The following SLC16A9 variants were observed in gnomAD, a reference collection of about 807,000 sequenced individuals.
SLC16A9 encodes the protein solute carrier family 16 member 9, also known as monocarboxylate transporter 9.
A neutral mutation model predicts 44.3 loss-of-function variants in SLC16A9; 26 were observed. The ratio of observed to expected loss-of-function variants is 0.59; its 90% CI spans 0.43 to 0.81. The LOEUF is 0.81. Ranked by LOEUF, SLC16A9 falls within the 40% of genes least tolerant of loss-of-function variation. The pLI is 0.00. For synonymous variants in SLC16A9, 230 were observed against 225.1 expected (o/e 1.02, Z -0.19); for missense variants, 559 against 595.8 (o/e 0.94, Z 0.64).
chr10:59,653,918 T>C lies in SLC16A9; in HGVS notation c.1108A>G (p.Asn370Asp). 6.2e-7 allele frequency: 1 copy of C among 1,614,134 alleles called. No homozygotes were observed. Among genetic ancestry groups the C allele is most frequent in the African/African-American group, 1.3e-5 (1 of 75,050 alleles). ...LGILADFKWI[N>D]TLYLYVATLI... ...GTAGCAACATAAAGATACAAGGTAT[T>C]AATCCACTTGAAGTCAGCCAGTATC... Residue 370 changes from asparagine to aspartate, a missense_variant, in exon 5 of 6, where the codon AAT (asparagine) becomes GAT (aspartate). By Grantham distance (23) the Asn-to-Asp change is conservative. Transcript: ENST00000395348.
At chr10:59,696,998 G>T in intron 1 of SLC16A9, among the ~76,000 whole-genome samples, 1 of 102,264 alleles carries the variant, frequency 9.8e-6, no homozygotes, top group South Asian at 4.5e-4. Context: ...TCAGCCCCCC[G>T]CCCGGCCAGC....
rs1840084073 is a variant in SLC16A9 at position 59,684,232 on chromosome 10, G to A, written c.60C>T (p.Phe20=). ...ATCCGTAACACAAAAACTGAGTAAG[G>A]AAGGAGACAAACACAATCACCCAGC... ...GWGWVIVFVS[F]LTQFLCYGSP... Residue 20 remains phenylalanine (F), a synonymous_variant, in exon 2 of 6, where the codon TTC becomes TTT. Coordinates refer to ENST00000395348, the MANE Select transcript of SLC16A9 (RefSeq NM_194298.3). 2 of 1,613,856 alleles carry A rather than the reference G, an allele frequency of 1.2e-6. No homozygotes were observed. The highest frequency in any genetic ancestry group is 1.7e-6 in the Non-Finnish European group (2 of 1,179,990).
chr10:59,677,766 A>T (rs1839891208), intron 2 of SLC16A9, among the ~76,000 whole-genome samples: 1 of 152,048 alleles, frequency 6.6e-6, no homozygotes, highest in Admixed American at 6.6e-5. Flanking sequence ...ACATAACGTG[A>T]TTTTTCAGTT....
chr10:59,652,547 T>G lies in SLC16A9; in HGVS notation c.*225A>C. The stretch of plus-strand genomic sequence containing the variant: ...ATAACAGCAAAACAGAATAGTCCCA[T>G]TGATGGTGTGGGGAGGAGAAATAGA... On this transcript the variant is annotated 3_prime_UTR_variant, in exon 6 of 6. Coordinates refer to ENST00000395348, the MANE Select transcript of SLC16A9 (RefSeq NM_194298.3). 2.5e-6 allele frequency: 1 copy of G among 402,268 alleles called. No homozygotes were observed. 24.9% of individuals were successfully genotyped at this position (402,268 alleles called of 1,614,324 possible). A position where few individuals can be genotyped will look rare whatever the true frequency, so the allele number is the denominator to read the frequency against.
intron 4 of SLC16A9, among the ~76,000 whole-genome samples, chr10:59,657,847 T>C (rs1242678867): frequency 6.6e-6 from 1 of 152,166 alleles, no homozygotes; most frequent in African/African-American, 2.4e-5. Flanking sequence ...AGCCAGCTGA[T>C]GGACCCTCCC....
chr10:59,660,545 C>T (rs113329529), intron 4 of SLC16A9, among the ~76,000 whole-genome samples: 19 of 152,180 alleles, frequency 1.2e-4, no homozygotes, highest in African/African-American at 4.1e-4. Flanking sequence ...CATGACCAGG[C>T]GGATTCACAG....
chr10:59,692,914 C>G (rs2132517541), intron 1 of SLC16A9, among the ~76,000 whole-genome samples: 1 of 152,240 alleles, frequency 6.6e-6, no homozygotes, highest in Middle Eastern at 3.4e-3. Flanking sequence ...AATTCTAAAA[C>G]AATAGGTACA....
intron 1 of SLC16A9, among the ~76,000 whole-genome samples, chr10:59,698,304 C>A (rs753426215): frequency 1.3e-5 from 2 of 152,154 alleles, no homozygotes; most frequent in African/African-American, 4.8e-5. Context: ...GCACACTGGA[C>A]CATAGAGGAA....
chr10:59,699,087 C>T (rs1487006776), intron 1 of SLC16A9, among the ~76,000 whole-genome samples: 2 of 152,224 alleles, frequency 1.3e-5, no homozygotes, highest in African/African-American at 4.8e-5. Flanking sequence ...TAGTGTTCTG[C>T]TCTTTCCCCA....
chr10:59,704,845 C>T (rs1404672960), intron 1 of SLC16A9, among the ~76,000 whole-genome samples: 1 of 152,194 alleles, frequency 6.6e-6, no homozygotes, highest in Non-Finnish European at 1.5e-5. Flanking sequence ...ACAATTTATA[C>T]ATGATCATGT....
intron 1 of SLC16A9, among the ~76,000 whole-genome samples, chr10:59,705,119 CAG>C (rs1167459932): frequency 6.6e-6 from 1 of 151,986 alleles, no homozygotes; most frequent in Non-Finnish European, 1.5e-5. Flanking sequence ...TGTCTCTTCT[CAG>C]AGTTTAAGAG....
chr10:59,697,691 C>G (rs1408137346), intron 1 of SLC16A9, among the ~76,000 whole-genome samples: 1 of 147,766 alleles, frequency 6.8e-6, no homozygotes, highest in African/African-American at 2.5e-5. Flanking sequence ...GTGACCCTGC[C>G]AAATCCCCCT....
intron 1 of SLC16A9, among the ~76,000 whole-genome samples, chr10:59,698,830 C>A (rs982357699): frequency 6.6e-6 from 1 of 151,958 alleles, no homozygotes; most frequent in Non-Finnish European, 1.5e-5. Context: ...CTCCACCTCC[C>A]GGGTTCAAGC....
At chr10:59,702,421 G>C (rs1840544928) in intron 1 of SLC16A9, among the ~76,000 whole-genome samples, 1 of 152,162 alleles carries the variant, frequency 6.6e-6, no homozygotes, top group South Asian at 2.1e-4. Flanking sequence ...AAGGGTGGGG[G>C]CTGACTCATT....
At chr10:59,653,358 G>A (rs985250098) in intron 5 of SLC16A9, among the ~76,000 whole-genome samples, 6 of 146,214 alleles carry the variant, frequency 4.1e-5, no homozygotes, top group Non-Finnish European at 6.0e-5. Flanking sequence ...CCCAGAAGGC[G>A]GAGCTTGCGG....
intron 1 of SLC16A9, among the ~76,000 whole-genome samples, chr10:59,685,937 TA>T (rs1275058743): frequency 1.3e-5 from 2 of 151,996 alleles, no homozygotes; most frequent in African/African-American, 4.8e-5. Flanking sequence ...TTCTTGGTTT[TA>T]AAATAGCATT....
chr10:59,679,219 GAAC>G (rs1426691491), intron 2 of SLC16A9, among the ~76,000 whole-genome samples: 1 of 152,124 alleles, frequency 6.6e-6, no homozygotes, highest in Non-Finnish European at 1.5e-5. Flanking sequence ...TGAATTTGGA[GAAC>G]AATATCTAGC....
chr10:59,705,088 AT>A (rs1436687495), intron 1 of SLC16A9, among the ~76,000 whole-genome samples: 1 of 151,820 alleles, frequency 6.6e-6, no homozygotes, highest in Non-Finnish European at 1.5e-5. Context: ...TGTTGCTAAC[AT>A]TTTTTTTCGT....
intron 1 of SLC16A9, among the ~76,000 whole-genome samples, chr10:59,686,328 T>C (rs769816715): frequency 3.9e-5 from 6 of 152,254 alleles, no homozygotes; most frequent in Non-Finnish European, 7.3e-5. Context: ...TATATGAACT[T>C]CAGAATCAGC....
Sources: gnomAD v4.1 joint callset for allele counts (sites outside exome capture counted in the v4.1 genomes callset) on GRCh38, gnomAD v4.1.1 for gene constraint, MANE v1.5 for transcripts, NCBI Gene and HGNC (gene_info 2026-07-23, HGNC 2026-07-21) for gene names.